Variants in HIKESHI observed in about 807,000 individuals in gnomAD.
HIKESHI encodes the protein heat shock protein nuclear import factor hikeshi.
HIKESHI carries 13 observed loss-of-function variants against 25.7 expected under a neutral mutation model. The observed-to-expected ratio is 0.51, with a 90% CI of 0.33 to 0.80. HIKESHI has a LOEUF of 0.80. Ranked by LOEUF, HIKESHI falls within the 30% of genes least tolerant of loss-of-function variation. The pLI is 0.02. For missense variants in HIKESHI, 174 were observed against 229.5 expected, an observed-to-expected ratio of 0.76 and a Z score of 1.56; for synonymous variants, 76 against 78.7, an observed-to-expected ratio of 0.97 and a Z score of 0.18.
chr11:86,313,045 C>A (rs1386326983), intron 2 of HIKESHI, among the ~76,000 whole-genome samples: 1 of 151,924 alleles, frequency 6.6e-6, no homozygotes, highest in East Asian at 1.9e-4. Flanking sequence ...CTTGGAGTTG[C>A]GCTTCTCGAG....
rs185197698 is a variant in HIKESHI, at chr11:86,308,478, C to T, written c.268+1996C>T. On this transcript the variant is annotated intron_variant, in intron 2 of 4. Coordinates refer to ENST00000278483, the MANE Select transcript of HIKESHI (RefSeq NM_016401.4). ...TAGAATAGAAGTACTTATTTTCTTC[C>T]GTTAAGATTGTTGAACGAGATTTGA... 9.9e-3 allele frequency among the ~76,000 whole-genome samples: 1,461 copies of T among 147,514 alleles called. 19 individuals carry two copies. Among genetic ancestry groups the T allele is most frequent in the African/African-American group, 0.034 (1,379 of 40,262 alleles).
intron 2 of HIKESHI, among the ~76,000 whole-genome samples, chr11:86,318,708 T>C (rs1406044772): frequency 6.6e-6 from 1 of 152,198 alleles, no homozygotes; most frequent in African/African-American, 2.4e-5. Context: ...AAGTGGAATA[T>C]TGAACCCCAT....
chr11:86,306,184 C>T, intron 1 of HIKESHI, 61 bp from the exon 2 acceptor site: 1 of 1,050,184 alleles, frequency 9.5e-7, no homozygotes, highest in Non-Finnish European at 1.4e-6. Flanking sequence ...ATAAATGATA[C>T]TGTTAAGAGT....
intron 2 of HIKESHI, among the ~76,000 whole-genome samples, chr11:86,313,997 G>T (rs1258430389): frequency 6.6e-6 from 1 of 152,176 alleles, no homozygotes; most frequent in African/African-American, 2.4e-5. Context: ...GAAGTTTTAT[G>T]TAGCACACTG....
At chr11:86,310,423 T>C (rs1260023898) in intron 2 of HIKESHI, among the ~76,000 whole-genome samples, 1 of 152,256 alleles carries the variant, frequency 6.6e-6, no homozygotes, top group Non-Finnish European at 1.5e-5. Context: ...TTTTGTATCC[T>C]GAGACTTTGC....
intron 2 of HIKESHI, among the ~76,000 whole-genome samples, chr11:86,335,433 G>A (rs140827463): frequency 5.1e-4 from 78 of 152,300 alleles, no homozygotes; most frequent in African/African-American, 1.7e-3. Flanking sequence ...CATATTCTTG[G>A]TAATCTAGAA....
intron 2 of HIKESHI, among the ~76,000 whole-genome samples, chr11:86,311,549 CT>C (rs1479956016): frequency 6.6e-6 from 1 of 152,092 alleles, no homozygotes; most frequent in Non-Finnish European, 1.5e-5. Context: ...TTTTTTCTGT[CT>C]CTATCTCCTT....
chr11:86,306,525 T>A (rs1229073837), intron 2 of HIKESHI, 43 bp downstream of exon 2: 1 of 1,246,630 alleles, frequency 8.0e-7, no homozygotes, highest in East Asian at 2.5e-5. Flanking sequence ...TAATCAAACT[T>A]TTTTCTTAAA....
chr11:86,327,363 A>G (rs535448015), intron 2 of HIKESHI, among the ~76,000 whole-genome samples: 1 of 151,498 alleles, frequency 6.6e-6, no homozygotes, highest in South Asian at 2.1e-4. Context: ...CGCCCAGGCT[A>G]GAGCGTAGTG....
chr11:86,303,793 A>C (rs1296098985), intron 1 of HIKESHI, among the ~76,000 whole-genome samples: 1 of 152,206 alleles, frequency 6.6e-6, no homozygotes. Context: ...ATCTAAACTT[A>C]TGAACCCAGT....
intron 2 of HIKESHI, among the ~76,000 whole-genome samples, chr11:86,315,523 G>A (rs1003802504): frequency 6.6e-6 from 1 of 152,218 alleles, no homozygotes; most frequent in South Asian, 2.1e-4. Context: ...GTTTCACCAT[G>A]TTGGTCAGGC....
At chr11:86,305,954 G>C (rs1294788135) in intron 1 of HIKESHI, among the ~76,000 whole-genome samples, 1 of 152,124 alleles carries the variant, frequency 6.6e-6, no homozygotes, top group Non-Finnish European at 1.5e-5. Flanking sequence ...TGTTGGCCAA[G>C]CTGGTCTTGA....
chr11:86,330,762 AT>A (rs950942799), intron 2 of HIKESHI, among the ~76,000 whole-genome samples: 11 of 152,022 alleles, frequency 7.2e-5, no homozygotes, highest in Non-Finnish European at 1.2e-4. Context: ...ACTTTTTGAA[AT>A]TTTTTTTCTT....
intron 2 of HIKESHI, among the ~76,000 whole-genome samples, chr11:86,332,122 A>G (rs10751138): frequency 0.71 from 107,466 of 151,578 alleles, 38,429 homozygotes; most frequent in East Asian, 0.82. Context: ...CACCATGCCC[A>G]GCTAACTTAT....
At chr11:86,316,002 G>A (rs1946967790) in intron 2 of HIKESHI, among the ~76,000 whole-genome samples, 1 of 151,646 alleles carries the variant, frequency 6.6e-6, no homozygotes, top group African/African-American at 2.4e-5. Flanking sequence ...AAAGTAAGCT[G>A]GGTGTGGTGG....
intron 2 of HIKESHI, among the ~76,000 whole-genome samples, chr11:86,321,811 C>T (rs556920586): frequency 8.6e-5 from 13 of 152,004 alleles, no homozygotes; most frequent in African/African-American, 2.9e-4. Context: ...ATTACAGACG[C>T]GAGTCTCCAC....
At chr11:86,322,417 A>ATG (rs1348630467) in intron 2 of HIKESHI, among the ~76,000 whole-genome samples, 4 of 151,932 alleles carry the variant, frequency 2.6e-5, no homozygotes, top group Admixed American at 6.6e-5. Flanking sequence ...GTGTGTGTGT[A>ATG]TGTATATATA....
At chr11:86,321,119 G>A (rs979284632) in intron 2 of HIKESHI, among the ~76,000 whole-genome samples, 5 of 152,050 alleles carry the variant, frequency 3.3e-5, no homozygotes, top group Admixed American at 6.6e-5. Context: ...ATTTTTAGTA[G>A]AGACGAGGTT....
At chr11:86,310,117 C>T (rs1455038540) in intron 2 of HIKESHI, among the ~76,000 whole-genome samples, 6 of 147,394 alleles carry the variant, frequency 4.1e-5, no homozygotes, top group Non-Finnish European at 7.5e-5. Context: ...TCATTGGTAG[C>T]TTGATGGGGA....
Sources: gnomAD v4.1 joint callset for allele counts (sites outside exome capture counted in the v4.1 genomes callset) on GRCh38, gnomAD v4.1.1 for gene constraint, MANE v1.5 for transcripts, NCBI Gene and HGNC (gene_info 2026-07-23, HGNC 2026-07-21) for gene names.